The following C14orf39 variants were observed in gnomAD, a reference collection of about 807,000 sequenced individuals.
The protein encoded by C14orf39 is protein SIX6OS1.
In C14orf39, 66 loss-of-function variants were observed where a neutral mutation model predicts 85.6. The ratio of observed to expected loss-of-function variants is 0.77; its 90% CI spans 0.63 to 0.95. C14orf39 has a LOEUF of 0.95. C14orf39 is among the 40% of genes least tolerant of loss of function. The pLI, the probability that C14orf39 is intolerant of heterozygous loss-of-function variation, is 0.00. For missense variants in C14orf39, 735 were observed against 663.9 expected (o/e 1.11, Z -1.18); for synonymous variants, 242 against 214.0 (o/e 1.13, Z -1.14).
intron 5 of C14orf39, among the ~76,000 whole-genome samples, chr14:60,472,817 G>C (rs1310034179): frequency 1.3e-5 from 2 of 152,070 alleles, no homozygotes; most frequent in Non-Finnish European, 2.9e-5. Context: ...TTGGACATTT[G>C]GCTTGGTTCC....
intron 1 of C14orf39, among the ~76,000 whole-genome samples, chr14:60,505,385 CAAAT>C (rs1893189761): frequency 6.6e-6 from 1 of 152,022 alleles, no homozygotes; most frequent in African/African-American, 2.4e-5. Flanking sequence ...ATCAGAATGC[CAAAT>C]AAATAAATGT....
intron 2 of C14orf39, among the ~76,000 whole-genome samples, chr14:60,497,950 T>C (rs753054389): frequency 1.3e-5 from 2 of 152,100 alleles, no homozygotes; most frequent in East Asian, 1.9e-4. Flanking sequence ...TTTGTACTTA[T>C]GGTAGTCTAA....
chr14:60,478,924 T>C lies in C14orf39; in HGVS notation c.234-535A>G, dbSNP rs528365633. 6.8e-3 allele frequency among the ~76,000 whole-genome samples: 305 copies of C among 45,154 alleles called. 1 individual carries two copies. Among genetic ancestry groups the C allele is most frequent in the African/African-American group, 0.011 (284 of 25,964 alleles). The allele number at this position is 45,154 out of a possible 152,430, so 29.6% of individuals were successfully genotyped here. ...ACAATAGGAATATAACAAATATTCA[T>C]CTTATACATTTTTTATTATGTAACT... is the stretch of plus-strand genomic sequence containing the variant. On this transcript the variant is annotated intron_variant, in intron 4 of 17. Coordinates refer to ENST00000321731, the MANE Select transcript of C14orf39 (RefSeq NM_174978.3).
At chr14:60,463,757 T>C (rs1025031417) in intron 11 of C14orf39, among the ~76,000 whole-genome samples, 3 of 152,256 alleles carry the variant, frequency 2.0e-5, no homozygotes, top group South Asian at 4.1e-4. Flanking sequence ...TTTTAGAATT[T>C]GTTGAGATAT....
chr14:60,506,436 G>A (rs1893203976), intron 1 of C14orf39, among the ~76,000 whole-genome samples: 1 of 152,162 alleles, frequency 6.6e-6, no homozygotes, highest in African/African-American at 2.4e-5. Flanking sequence ...CTTAAAGGTG[G>A]GGTGAGGGTC....
At chr14:60,450,587 A>G (rs1890985603) in intron 16 of C14orf39, among the ~76,000 whole-genome samples, 1 of 152,230 alleles carries the variant, frequency 6.6e-6, no homozygotes, top group African/African-American at 2.4e-5. Context: ...GGCCAGGGGA[A>G]CTAGCCACCT....
intron 16 of C14orf39, among the ~76,000 whole-genome samples, chr14:60,443,445 T>C (rs567601934): frequency 2.0e-5 from 3 of 152,264 alleles, no homozygotes; most frequent in Admixed American, 2.0e-4. Context: ...GAGATTGACC[T>C]GTGAGGCTGC....
In C14orf39 at chr14:60,436,912, A is replaced by G. The variant is rs1305983334; in HGVS notation, c.1697T>C (p.Ile566Thr). ...AAAACCTTTTAAAGAAGAAGAAGGT[A>G]TTGAATTTTGACCCTGTCCAAATGA... is the stretch of plus-strand genomic sequence containing the variant. ...PFSFGQGQNS[I>T]PSSSLKGFSS... Residue 566 changes from isoleucine (I) to threonine (T), a missense_variant, in exon 18 of 18, where the codon ATA becomes ACA. Transcript: ENST00000321731. 3 of 1,612,462 alleles carry G rather than the reference A, an allele frequency of 1.9e-6. No individual in the cohort carries two copies. Among genetic ancestry groups the G allele is most frequent in the East Asian group, 2.2e-5 (1 of 44,730 alleles).
At chr14:60,437,375 A>G (rs1017276759) in intron 17 of C14orf39, among the ~76,000 whole-genome samples, 3 of 152,076 alleles carry the variant, frequency 2.0e-5, no homozygotes, top group Non-Finnish European at 4.4e-5. Flanking sequence ...CATAGGATGC[A>G]TTAGAGTAAC....
At position 60,483,740 on chromosome 14, in the gene C14orf39, T is replaced by C; in HGVS notation, c.184A>G (p.Ile62Val). ...HETINATDEE[I>V]DHYCKHSEEI... ...TCACTATGTTTACAGTAATGATCAA[T>C]TTCCTCATCTGTTGCATTTATAGTT... Residue 62 changes from isoleucine (I) to valine (V), a missense_variant, in exon 4 of 18, where the codon ATT (isoleucine) becomes GTT (valine). Ile to Val is a conservative substitution (Grantham distance 29). Transcript: ENST00000321731. 6.3e-7 allele frequency: 1 copy of C among 1,596,302 alleles called. No homozygotes were observed. The highest frequency in any genetic ancestry group is 8.6e-7 in the Non-Finnish European group (1 of 1,166,104).
At chr14:60,438,027 A>C (rs986896810) in intron 17 of C14orf39, among the ~76,000 whole-genome samples, 1 of 151,830 alleles carries the variant, frequency 6.6e-6, no homozygotes, top group Non-Finnish European at 1.5e-5. Flanking sequence ...TTTTAAGTCT[A>C]TAGTAATCAA....
chr14:60,487,724 T>C (rs1892923608), upstream of C14orf39, among the ~76,000 whole-genome samples: 1 of 152,222 alleles, frequency 6.6e-6, no homozygotes, highest in Non-Finnish European at 1.5e-5. Flanking sequence ...CTAATGGCGG[T>C]ACCCATTTGC....
intron 16 of C14orf39, among the ~76,000 whole-genome samples, chr14:60,446,194 G>T (rs1890757074): frequency 6.6e-6 from 1 of 151,952 alleles, no homozygotes; most frequent in South Asian, 2.1e-4. Flanking sequence ...CTAGCAGAAG[G>T]CAAGAAATAA....
intron 5 of C14orf39, among the ~76,000 whole-genome samples, chr14:60,477,720 T>C (rs1325316809): frequency 6.6e-6 from 1 of 152,192 alleles, no homozygotes; most frequent in Non-Finnish European, 1.5e-5. Context: ...AACAGTTCAC[T>C]CATAAAGACC....
In C14orf39 at chr14:60,485,942, C is replaced by G. The variant is rs1027337497; in HGVS notation, c.-9+3G>C. 3 of 152,956 alleles carry G rather than the reference C, an allele frequency of 2.0e-5. No individual in the cohort carries two copies. The highest frequency in any genetic ancestry group is 7.2e-5 in the African/African-American group (3 of 41,468). The allele number at this position is 152,956 out of a possible 1,614,324, so 9.5% of individuals were successfully genotyped here. On this transcript the variant is annotated splice_donor_region_variant and intron_variant, in intron 1 of 17. Coordinates refer to ENST00000321731, the MANE Select transcript of C14orf39 (RefSeq NM_174978.3). The stretch of plus-strand genomic sequence containing the variant: ...GCCACATGCAGCTCCCTTCCACACG[C>G]ACCTAAACAGCTCCTCTGGACCCGA...
intron 5 of C14orf39, among the ~76,000 whole-genome samples, chr14:60,476,328 G>C (rs1892375558): frequency 6.6e-6 from 1 of 152,126 alleles, no homozygotes; most frequent in Non-Finnish European, 1.5e-5. Context: ...CTCTGGCAGA[G>C]CCTAGCATAG....
At chr14:60,510,405 T>TC (rs1258560168) in intron 1 of C14orf39, among the ~76,000 whole-genome samples, 1 of 152,180 alleles carries the variant, frequency 6.6e-6, no homozygotes, top group Non-Finnish European at 1.5e-5. Flanking sequence ...GGTATATCCC[T>TC]CCCTAATGCT....
chr14:60,492,972 A>G (rs1332585603), intron 2 of C14orf39, among the ~76,000 whole-genome samples: 1 of 152,124 alleles, frequency 6.6e-6, no homozygotes, highest in Non-Finnish European at 1.5e-5. Context: ...ATGCCTTTCC[A>G]TGAGTTTTAT....
chr14:60,499,121 T>G (rs547326508), intron 2 of C14orf39, among the ~76,000 whole-genome samples: 1 of 151,864 alleles, frequency 6.6e-6, no homozygotes, highest in East Asian at 1.9e-4. Flanking sequence ...CTGGGCATGG[T>G]GGTGGGCGCC....
Sources: gnomAD v4.1 joint callset for allele counts (sites outside exome capture counted in the v4.1 genomes callset) on GRCh38, gnomAD v4.1.1 for gene constraint, MANE v1.5 for transcripts, NCBI Gene and HGNC (gene_info 2026-07-23, HGNC 2026-07-21) for gene names.